WWOX: variants seen among roughly 807,000 people sequenced by gnomAD.
WWOX encodes the protein WW domain containing oxidoreductase.
Under a neutral mutation model 46.2 loss-of-function variants are expected in WWOX, and 69 were observed. That is an observed-to-expected ratio of 1.49 (90% CI 1.23 to 1.82). The LOEUF (loss-of-function observed/expected upper bound fraction) is 1.82, where lower values mean the gene tolerates loss of function less well. WWOX is among the 40% of genes most tolerant of loss of function. WWOX has a pLI of 0.00. For synonymous variants in WWOX, 359 were observed against 202.6 expected (o/e 1.77, Z -6.56); for missense variants, 919 against 542.6 (o/e 1.69, Z -6.89).
At chr16:78,631,955 T>A (rs1236032300) in intron 8 of WWOX, among the ~76,000 whole-genome samples, 3 of 147,102 alleles carry the variant, frequency 2.0e-5, no homozygotes, top group African/African-American at 8.0e-5. Context: ...TGGAGGTGGT[T>A]TATTTTTTTT....
At chr16:78,591,004 C>G (rs1267125581) in intron 8 of WWOX, among the ~76,000 whole-genome samples, 1 of 152,114 alleles carries the variant, frequency 6.6e-6, no homozygotes. Flanking sequence ...ACAAGGCGCT[C>G]AACTCACGGT....
At chr16:78,266,726 A>T (rs539483953) in intron 5 of WWOX, among the ~76,000 whole-genome samples, 1 of 151,744 alleles carries the variant, frequency 6.6e-6, no homozygotes, top group Admixed American at 6.6e-5. Context: ...AGCTAAACTC[A>T]TCGCTTCCAA....
chr16:78,439,997 C>A (rs989694722), intron 8 of WWOX, among the ~76,000 whole-genome samples: 3 of 152,164 alleles, frequency 2.0e-5, no homozygotes, highest in African/African-American at 4.8e-5. Flanking sequence ...CCCGTCAGAT[C>A]CCACTGGTTG....
chr16:79,182,838 G>C (rs1299600604), intron 8 of WWOX, among the ~76,000 whole-genome samples: 1 of 152,196 alleles, frequency 6.6e-6, no homozygotes, highest in Non-Finnish European at 1.5e-5. Flanking sequence ...AAATATATGT[G>C]GGTGGGTGTG....
chr16:78,469,579 G>C (rs543711101), intron 8 of WWOX, among the ~76,000 whole-genome samples: 1 of 152,204 alleles, frequency 6.6e-6, no homozygotes, highest in South Asian at 2.1e-4. Flanking sequence ...GGATAAAAGG[G>C]GTCTAGTTAA....
At position 78,524,424 on chromosome 16, in the gene WWOX, ATTTATTTG is replaced by A. The variant is rs1567621574; in HGVS notation, c.1056+91676_1056+91683del. Among the ~76,000 whole-genome samples the A allele has an allele frequency of 3.1e-3, 458 of 147,382 alleles. 3 individuals are homozygous for A. Among genetic ancestry groups the A allele is most frequent in the African/African-American group, 0.011 (435 of 39,882 alleles). ...TATTTATTTGTTTATTTATTTATTTATTTATTTGTTTGTTTGAGATGAGTCTTGCTCTT... is the reference window on the plus strand; with the variant it reads ...TATTTATTTGTTTATTTATTTATTTATTTGTTTGAGATGAGTCTTGCTCTT... On this transcript the variant is annotated intron_variant, in intron 8 of 8. Coordinates refer to ENST00000566780, the MANE Select transcript of WWOX (RefSeq NM_016373.4).
chr16:78,727,627 A>G (rs948585634), intron 8 of WWOX, among the ~76,000 whole-genome samples: 5 of 152,102 alleles, frequency 3.3e-5, no homozygotes, highest in African/African-American at 9.7e-5. Context: ...CGATTCTTTG[A>G]ACTCTCTCAT....
chr16:78,254,588 C>G (rs901469703), intron 5 of WWOX, among the ~76,000 whole-genome samples: 2 of 147,994 alleles, frequency 1.4e-5, no homozygotes, highest in Admixed American at 1.3e-4. Context: ...TCACTGCAAC[C>G]TCTACCTCCC....
chr16:78,163,538 A>G (rs1476168459), intron 4 of WWOX, among the ~76,000 whole-genome samples: 2 of 152,226 alleles, frequency 1.3e-5, no homozygotes, highest in East Asian at 1.9e-4. Context: ...GCCTTGAAGG[A>G]AAAAAGCTGC....
At chr16:79,037,196 G>A (rs1441540611) in intron 8 of WWOX, among the ~76,000 whole-genome samples, 1 of 152,122 alleles carries the variant, frequency 6.6e-6, no homozygotes, top group African/African-American at 2.4e-5. Context: ...CAGCAGTCTT[G>A]GCCCTGTAAT....
At chr16:78,855,552 C>G (rs567212951) in intron 8 of WWOX, among the ~76,000 whole-genome samples, 13 of 152,122 alleles carry the variant, frequency 8.5e-5, no homozygotes, top group African/African-American at 2.7e-4. Flanking sequence ...TAAAATTTCC[C>G]CAAGCACTTT....
At chr16:78,710,497 TA>T (rs2048420203) in intron 8 of WWOX, among the ~76,000 whole-genome samples, 4 of 137,092 alleles carry the variant, frequency 2.9e-5, no homozygotes, top group South Asian at 2.2e-4. Context: ...TATATATATA[TA>T]TTTATATAAA....
chr16:78,508,048 C>T (rs975770555), intron 8 of WWOX, among the ~76,000 whole-genome samples: 1 of 151,688 alleles, frequency 6.6e-6, no homozygotes, highest in Non-Finnish European at 1.5e-5. Flanking sequence ...TGCTCTGTCA[C>T]TCAGGCTGGA....
At position 78,748,094 on chromosome 16, in the gene WWOX, C is replaced by T. The variant is rs1301406331; in HGVS notation, c.1056+315342C>T. Among the ~76,000 whole-genome samples the T allele has an allele frequency of 2.0e-5, 3 of 152,122 alleles. No individual in the cohort carries two copies. In the East Asian group the frequency reaches 5.8e-4, roughly 29 times the overall value. On this transcript the variant is annotated intron_variant, in intron 8 of 8. Transcript: ENST00000566780. ...TGTTAGTTTTTTCACAGACTCTGCT[C>T]TTTCTCTCCCAGACCGGACCCTCCA...
intron 8 of WWOX, among the ~76,000 whole-genome samples, chr16:78,509,041 G>A (rs369807778): frequency 9.2e-5 from 14 of 152,388 alleles, no homozygotes; most frequent in African/African-American, 2.2e-4. Context: ...GTGTGTGTGC[G>A]TGCACACCTG....
At chr16:78,987,221 A>G (rs1468654135) in intron 8 of WWOX, among the ~76,000 whole-genome samples, 2 of 152,244 alleles carry the variant, frequency 1.3e-5, no homozygotes, top group African/African-American at 4.8e-5. Flanking sequence ...GAGTCAGTTT[A>G]TAAGTAGGCT....
chr16:79,013,005 G>A (rs114025942), intron 8 of WWOX, among the ~76,000 whole-genome samples: 3 of 152,196 alleles, frequency 2.0e-5, no homozygotes, highest in Non-Finnish European at 2.9e-5. Context: ...GAGATTGGAG[G>A]TTGCAGTGAG....
intron 6 of WWOX, among the ~76,000 whole-genome samples, chr16:78,406,129 C>G (rs13337330): frequency 0.07 from 10,534 of 151,202 alleles, 1,054 homozygotes; most frequent in African/African-American, 0.22. Flanking sequence ...TGCAGTCTTG[C>G]TTTCTCAAAC....
At chr16:78,948,101 C>T (rs899320875) in intron 8 of WWOX, among the ~76,000 whole-genome samples, 1 of 152,188 alleles carries the variant, frequency 6.6e-6, no homozygotes, top group Non-Finnish European at 1.5e-5. Context: ...CGTGCAGCTG[C>T]TAGCATCTTG....
Sources: allele counts gnomAD v4.1 joint callset (sites outside exome capture counted in the v4.1 genomes callset), GRCh38; gene constraint gnomAD v4.1.1; transcripts MANE v1.5; gene names NCBI Gene and HGNC (gene_info 2026-07-23, HGNC 2026-07-21).